Variants in VCAN observed in about 807,000 individuals in gnomAD.
The protein encoded by VCAN is versican core protein.
In VCAN, 44 loss-of-function variants were observed where a neutral mutation model predicts 245.5. The observed-to-expected ratio is 0.18, with a 90% CI of 0.14 to 0.23. The LOEUF (loss-of-function observed/expected upper bound fraction) is 0.23. VCAN is among the 10% of genes least tolerant of loss of function. The pLI is 1.00. For missense variants in VCAN, 3,793 were observed against 4,057.9 expected, an observed-to-expected ratio of 0.93 and a Z score of 1.77; for synonymous variants, 1,413 against 1,437.0, an observed-to-expected ratio of 0.98 and a Z score of 0.38.
Position 83,553,402 on chromosome 5 carries a change from G to A in VCAN, c.9532G>A (p.Gly3178Arg). ...TGACTATGGCTGGCACAAATTCCAAGGGCAGTGCTACAAATACTTTGCCCA... is the reference window on the plus strand; with the variant it reads ...TGACTATGGCTGGCACAAATTCCAAAGGCAGTGCTACAAATACTTTGCCCA... ...TCDYGWHKFQGQCYKYFAHRR... is the reference protein window; with the variant it reads ...TCDYGWHKFQRQCYKYFAHRR... The change falls in exon 11 of 15, where the codon GGG becomes AGG. Residue 3178 changes from glycine (G) to arginine (R), a missense_variant. This residue lies in a region of VCAN where 205 missense variants were observed against 321.1 expected (regional missense o/e 0.64). Transcript: ENST00000265077. The A allele has an allele frequency of 6.2e-7, 1 of 1,613,990 alleles. No homozygotes were observed. The highest frequency in any genetic ancestry group is 8.5e-7 in the Non-Finnish European group (1 of 1,179,958).
At position 83,540,309 on chromosome 5, in the gene VCAN, G is replaced by A. The variant is rs756217166; in HGVS notation, c.7306G>A (p.Val2436Met). The change falls in exon 8 of 15, where the codon GTG becomes ATG. Residue 2436 changes from valine to methionine, a missense_variant. This residue lies in a region of VCAN where 3,182 missense variants were observed against 3,250.3 expected (regional missense o/e 0.98). Transcript: ENST00000265077. ...YEPSGEGSGE[V>M]DIVDSFHTSA... ...ACCTTCTGGAGAAGGATCTGGAGAA[G>A]TGGATATTGTTGATTCATTTCACAC... 1 of 1,614,130 alleles carries A rather than the reference G, an allele frequency of 6.2e-7. No individual in the cohort carries two copies. Among genetic ancestry groups the A allele is most frequent in the Non-Finnish European group, 8.5e-7 (1 of 1,179,992 alleles).
At position 83,540,197 on chromosome 5, in the gene VCAN, T is replaced by C; in HGVS notation, c.7194T>C (p.Ser2398=). 1 of 1,614,084 alleles carries C rather than the reference T, an allele frequency of 6.2e-7. No individual in the cohort carries two copies. The highest frequency in any genetic ancestry group is 1.1e-5 in the South Asian group (1 of 91,088). The change falls in exon 8 of 15, where the codon TCT becomes TCC. Residue 2398 remains serine (S), a synonymous_variant. Coordinates refer to ENST00000265077, the MANE Select transcript of VCAN (RefSeq NM_004385.5). ...AAATTAACGAAACAACAACCTCATC[T>C]ACTGATTTTCTGGCTAGAGCTTATG... ...TAEINETTTS[S]TDFLARAYGF...
chr5:83,475,233 A>G (rs901153844), intron 1 of VCAN, among the ~76,000 whole-genome samples: 2 of 152,162 alleles, frequency 1.3e-5, no homozygotes, highest in Non-Finnish European at 2.9e-5. Context: ...CTCAGCACCT[A>G]TTTAGGGAGT....
rs191891419 is a variant in VCAN, at chr5:83,534,776, G to T, written c.4004-2231G>T. Reference sequence around the variant, plus strand: ...CTGGCTTGGATAAAATTATTGATGTGAATATTTCAAGAGATTCTTTTGTAC... The same window carrying T: ...CTGGCTTGGATAAAATTATTGATGTTAATATTTCAAGAGATTCTTTTGTAC... On this transcript the variant is annotated intron_variant, in intron 7 of 14. Coordinates refer to ENST00000265077, the MANE Select transcript of VCAN (RefSeq NM_004385.5). 2.3e-3 allele frequency among the ~76,000 whole-genome samples: 348 copies of T among 152,146 alleles called. 3 individuals carry two copies. The highest frequency in any genetic ancestry group is 0.018 in the South Asian group (85 of 4,824).
chr5:83,565,168 G>A (rs1172039285), intron 12 of VCAN, among the ~76,000 whole-genome samples: 1 of 152,148 alleles, frequency 6.6e-6, no homozygotes, highest in Non-Finnish European at 1.5e-5. Context: ...TGACTGGCTA[G>A]TGTGTAAAAA....
At chr5:83,494,143 T>C (rs1234932408) in intron 5 of VCAN, among the ~76,000 whole-genome samples, 1 of 152,214 alleles carries the variant, frequency 6.6e-6, no homozygotes, top group Non-Finnish European at 1.5e-5. Context: ...GTTAGAAATG[T>C]CTTCAGTTAA....
chr5:83,472,728 C>A (rs2112324025), intron 1 of VCAN, among the ~76,000 whole-genome samples: 1 of 152,268 alleles, frequency 6.6e-6, no homozygotes, highest in South Asian at 2.1e-4. Context: ...CCCCTGGGTT[C>A]TTTTGTCCTG....
chr5:83,564,122 A>G (rs888495273), intron 12 of VCAN, among the ~76,000 whole-genome samples: 14 of 152,222 alleles, frequency 9.2e-5, no homozygotes, highest in Admixed American at 7.2e-4. Context: ...CTTCTTGCAA[A>G]GTGTTCTCTT....
At chr5:83,535,623 C>T (rs140618326) in intron 7 of VCAN, 1 of 152,044 alleles carries the variant, frequency 6.6e-6, no homozygotes, top group South Asian at 2.1e-4. Context: ...TCTGATGAAA[C>T]AGCAAAAGCT....
In VCAN at chr5:83,553,512, G is replaced by A. The variant is rs768022852; in HGVS notation, c.9642G>A (p.Met3214Ile). The change falls in exon 11 of 15, where the codon ATG (methionine) becomes ATA (isoleucine). Residue 3214 changes from methionine (M) to isoleucine (I), a missense_variant. Around this residue, in one of 5 missense-constraint regions of VCAN, gnomAD observed 205 missense variants for 321.1 expected, o/e 0.64. Coordinates refer to ENST00000265077, the MANE Select transcript of VCAN (RefSeq NM_004385.5). ...LTSILSHEEQ[M>I]FVNRVGHDYQ... is the part of the protein sequence containing the mutation. ...GCATCCTGTCTCACGAAGAACAAAT[G>A]TTTGTTAATCGTATGTACCAAATAG... 1.2e-6 allele frequency: 2 copies of A among 1,614,052 alleles called. No homozygotes were observed. The highest frequency in any genetic ancestry group is 8.5e-7 in the Non-Finnish European group (1 of 1,179,946).
rs1006778433 is a variant in VCAN, at chr5:83,522,020, G to A, written c.3714G>A (p.Arg1238=). The A allele has an allele frequency of 1.2e-6, 2 of 1,614,024 alleles. No homozygotes were observed. The highest frequency in any genetic ancestry group is 2.7e-5 in the African/African-American group (2 of 74,918). Residue 1238 remains arginine, a synonymous_variant, in exon 7 of 15, where the codon AGG becomes AGA. Transcript: ENST00000265077. ...AITKKPPLID[R]EPGEETTSDM... Reference sequence around the variant, plus strand: ...CTAAGAAACCACCTCTCATCGACAGGGAACCTGGTGAAGAAACAACCAGTG... The same window carrying A: ...CTAAGAAACCACCTCTCATCGACAGAGAACCTGGTGAAGAAACAACCAGTG...
Position 83,541,793 on chromosome 5 carries a change from A to G in VCAN, c.8790A>G (p.Gln2930=). Residue 2930 remains glutamine (Q), a synonymous_variant, in exon 8 of 15, where the codon CAA becomes CAG. Transcript: ENST00000265077. ...CTGTGGAAGGAACTGAGATTCTCCAAGATTTCCAAAACAAAACCGATGGTC... is the reference window on the plus strand; with the variant it reads ...CTGTGGAAGGAACTGAGATTCTCCAGGATTTCCAAAACAAAACCGATGGTC... ...LIAVEGTEIL[Q]DFQNKTDGQV... is the part of the protein sequence containing the mutation. 2.5e-6 allele frequency: 4 copies of G among 1,614,108 alleles called. No individual in the cohort carries two copies. The highest frequency in any genetic ancestry group is 1.3e-5 in the African/African-American group (1 of 75,028).
rs1746129065 is a variant in VCAN at position 83,522,069 on chromosome 5, A to G, written c.3763A>G (p.Thr1255Ala). The change falls in exon 7 of 15, where the codon ACA becomes GCA. Residue 1255 changes from threonine (T) to alanine (A), a missense_variant. By Grantham distance (58) the Thr-to-Ala change is moderately conservative (BLOSUM62 0). Coordinates refer to ENST00000265077, the MANE Select transcript of VCAN (RefSeq NM_004385.5). ...TGACATGGTAATCATTGGAGAATCA[A>G]CATCTCATGTTCCTCCCACTACCCT... ...TSDMVIIGES[T>A]SHVPPTTLED... 1.9e-6 allele frequency: 3 copies of G among 1,614,106 alleles called. No homozygotes were observed. The highest frequency in any genetic ancestry group is 1.7e-5 in the Admixed American group (1 of 60,010).
rs773677995 is a variant in VCAN, at chr5:83,483,510, T to C, written c.-6-3T>C. 6.8e-6 allele frequency: 11 copies of C among 1,612,710 alleles called. No individual in the cohort carries two copies. In the South Asian group the frequency reaches 1.2e-4, roughly 18 times the overall value. On this transcript the variant is annotated splice_polypyrimidine_tract_variant and splice_region_variant and intron_variant, in intron 1 of 14. Coordinates refer to ENST00000265077, the MANE Select transcript of VCAN (RefSeq NM_004385.5). Reference sequence around the variant, plus strand: ...TTTACTTTGTGTTTTTCTTCATTTCTAGGCCAAGATGTTCATAAATATAAA... The same window carrying C: ...TTTACTTTGTGTTTTTCTTCATTTCCAGGCCAAGATGTTCATAAATATAAA...
In VCAN at chr5:83,519,482, A is replaced by T. The variant is rs1468774565; in HGVS notation, c.1176A>T (p.Pro392=). ...TAGTTGATGAATTACCTGTCATTCC[A>T]ACAGAGTTCCCTCCCGTGGGAAATA... ...IPLVDELPVI[P]TEFPPVGNIV... is the part of the protein sequence containing the mutation. The change falls in exon 7 of 15, where the codon CCA becomes CCT. Residue 392 remains proline, a synonymous_variant. Coordinates refer to ENST00000265077, the MANE Select transcript of VCAN (RefSeq NM_004385.5). 1 of 1,614,174 alleles carries T rather than the reference A, an allele frequency of 6.2e-7. No individual in the cohort carries two copies. Among genetic ancestry groups the T allele is most frequent in the East Asian group, 2.2e-5 (1 of 44,890 alleles).
At chr5:83,530,435 C>T (rs16900511) in intron 7 of VCAN, among the ~76,000 whole-genome samples, 30,575 of 151,912 alleles carry the variant, frequency 0.2, 3,263 homozygotes, top group African/African-American at 0.24. Context: ...AAAAAATGTA[C>T]TCACAGGTCC....
At chr5:83,553,887 A>G (rs1747565397) in intron 11 of VCAN, among the ~76,000 whole-genome samples, 1 of 152,220 alleles carries the variant, frequency 6.6e-6, no homozygotes. Context: ...GAATATTTAT[A>G]TGCCTGTCTA....
chr5:83,558,497 G>T lies in VCAN; in HGVS notation c.9735+3459G>T, dbSNP rs983518770. ...TGGTAGAACAGTATTAAAACAAAAA[G>T]AACCTTTCATATTTACCTTAAAGTG... On this transcript the variant is annotated intron_variant, in intron 12 of 14. Transcript: ENST00000265077. 3.9e-5 allele frequency among the ~76,000 whole-genome samples: 6 copies of T among 151,998 alleles called. No individual in the cohort carries two copies. In the East Asian group the frequency reaches 7.7e-4, roughly 19 times the overall value.
At chr5:83,526,311 G>C (rs1462163433) in intron 7 of VCAN, among the ~76,000 whole-genome samples, 1 of 152,088 alleles carries the variant, frequency 6.6e-6, no homozygotes, top group African/African-American at 2.4e-5. Context: ...CACATTTTCT[G>C]TTCTTACAGA....
Sources: allele counts gnomAD v4.1 joint callset (sites outside exome capture counted in the v4.1 genomes callset), GRCh38; gene constraint gnomAD v4.1.1; regional missense constraint gnomAD v4.1.1; transcripts MANE v1.5; gene names NCBI Gene and HGNC (gene_info 2026-07-23, HGNC 2026-07-21).